The following DCLK1 variants were observed in gnomAD, a reference collection of about 807,000 sequenced individuals.
DCLK1 encodes the protein serine/threonine-protein kinase DCLK1.
Under a neutral mutation model 86.2 loss-of-function variants are expected in DCLK1, and 16 were observed. The observed-to-expected ratio is 0.19, with a 90% CI of 0.13 to 0.28. The LOEUF is 0.28. Among genes scored for constraint, DCLK1 ranks in the 10% least tolerant of loss-of-function variants. The pLI is 1.00. For synonymous variants in DCLK1, 369 were observed against 370.5 expected, an observed-to-expected ratio of 1.00 and a Z score of 0.05; for missense variants, 590 against 940.2, an observed-to-expected ratio of 0.63 and a Z score of 4.87.
intron 4 of DCLK1, among the ~76,000 whole-genome samples, chr13:35,912,870 C>T (rs545097734): frequency 2.0e-5 from 3 of 152,308 alleles, no homozygotes; most frequent in South Asian, 4.1e-4. Flanking sequence ...TTGTAACACA[C>T]CCTCTGGGGT....
At chr13:36,079,717 A>G (rs915785181) in intron 3 of DCLK1, among the ~76,000 whole-genome samples, 9 of 152,166 alleles carry the variant, frequency 5.9e-5, no homozygotes, top group African/African-American at 2.2e-4. Flanking sequence ...TTCTTAGAGC[A>G]AGGAAAACGA....
intron 3 of DCLK1, among the ~76,000 whole-genome samples, chr13:36,086,976 G>A (rs927945047): frequency 4.6e-5 from 7 of 152,144 alleles, no homozygotes; most frequent in Non-Finnish European, 7.3e-5. Context: ...AATCCTTTGG[G>A]TATACACCCA....
chr13:36,031,402 T>C (rs916695428), intron 3 of DCLK1, among the ~76,000 whole-genome samples: 1 of 151,634 alleles, frequency 6.6e-6, no homozygotes, highest in Admixed American at 6.6e-5. Flanking sequence ...AACTCTGCAG[T>C]GGTAATGGTG....
At chr13:36,044,022 C>A (rs1407097408) in intron 3 of DCLK1, among the ~76,000 whole-genome samples, 2 of 152,136 alleles carry the variant, frequency 1.3e-5, no homozygotes, top group East Asian at 1.9e-4. Context: ...GCCTAGTGGG[C>A]GGTGTTTGGG....
chr13:36,050,529 C>A lies in DCLK1; in HGVS notation c.723+61340G>T, dbSNP rs77982098. ...CACAAAATCCTAATTTGGTTTGCAA[C>A]CTTTAAGAATCCCAATGCCAATTCC... On this transcript the variant is annotated intron_variant, in intron 3 of 16. Transcript: ENST00000360631. Among the ~76,000 whole-genome samples, 69 of 152,222 alleles carry A rather than the reference C, an allele frequency of 4.5e-4. 1 individual carries two copies. The highest frequency in any genetic ancestry group is 6.8e-3 in the Middle Eastern group (2 of 294).
rs57002073 is a variant in DCLK1 at position 35,862,450 on chromosome 13, A to G, written c.941-7857T>C. On this transcript the variant is annotated intron_variant, in intron 5 of 16. Coordinates refer to ENST00000360631, the MANE Select transcript of DCLK1 (RefSeq NM_001330071.2). ...ACAATTTCATTCCAGGATGACTACA[A>G]TGGCCTCATAGAGCCTTCCTGGCCC... 1.4e-3 allele frequency among the ~76,000 whole-genome samples: 206 copies of G among 152,266 alleles called. 2 individuals are homozygous for G. Among genetic ancestry groups the G allele is most frequent in the African/African-American group, 4.8e-3 (199 of 41,546 alleles).
intron 5 of DCLK1, among the ~76,000 whole-genome samples, chr13:35,867,963 A>AAGAAAGAAAGAAGGAG (rs796441369): frequency 7.4e-6 from 1 of 135,156 alleles, no homozygotes; most frequent in African/African-American, 2.7e-5. Context: ...GAAAGAAAGA[A>AAGAAAGAAAGAAGGAG]AGAGAAAAAG....
intron 3 of DCLK1, among the ~76,000 whole-genome samples, chr13:35,985,264 C>G (rs1473456979): frequency 6.6e-6 from 1 of 152,148 alleles, no homozygotes; most frequent in Non-Finnish European, 1.5e-5. Flanking sequence ...GAAACAATGC[C>G]TCCTGTGAAG....
intron 6 of DCLK1, among the ~76,000 whole-genome samples, chr13:35,841,520 G>GA (rs201900666): frequency 0.016 from 2,258 of 141,938 alleles, 57 homozygotes; most frequent in East Asian, 0.12. Context: ...GGCTCTGGTG[G>GA]AAAAAAAAAA....
intron 8 of DCLK1, among the ~76,000 whole-genome samples, chr13:35,830,211 C>T (rs1868842954): frequency 6.6e-6 from 1 of 151,846 alleles, no homozygotes; most frequent in South Asian, 2.1e-4. Context: ...CATGGTGAAA[C>T]CCTGACTCTA....
At position 35,828,301 on chromosome 13, in the gene DCLK1, A is replaced by T. The variant is rs566479774; in HGVS notation, c.1236T>A (p.Thr412=). The change falls in exon 9 of 17, where the codon ACT becomes ACA. Residue 412 remains threonine (T), a synonymous_variant. Coordinates refer to ENST00000360631, the MANE Select transcript of DCLK1 (RefSeq NM_001330071.2). ...TAATTTTCAGAGCATACTCTCTAGC[A>T]GTCGATCTGCGAAGAGAAAGTTCAT... ...AVVKECVERS[T]AREYALKIIK... 2.9e-5 allele frequency: 47 copies of T among 1,606,948 alleles called. 1 individual carries two copies. The South Asian group carries it at 5.1e-4, about 17-fold the overall frequency.
intron 8 of DCLK1, among the ~76,000 whole-genome samples, chr13:35,831,205 C>T (rs1868933684): frequency 6.6e-6 from 1 of 152,146 alleles, no homozygotes; most frequent in Non-Finnish European, 1.5e-5. Context: ...ACAATGAGCT[C>T]CACAGAGGAC....
chr13:35,962,964 T>G (rs536614961), intron 3 of DCLK1, among the ~76,000 whole-genome samples: 3 of 152,108 alleles, frequency 2.0e-5, no homozygotes, highest in African/African-American at 7.2e-5. Flanking sequence ...TTCAGAAGAG[T>G]GAACTAAGAA....
At chr13:36,011,706 G>T (rs1363777295) in intron 3 of DCLK1, among the ~76,000 whole-genome samples, 2 of 152,008 alleles carry the variant, frequency 1.3e-5, no homozygotes, top group Non-Finnish European at 2.9e-5. Flanking sequence ...ATATTCTGTT[G>T]ATTTGGGGTG....
chr13:35,986,899 GA>G (rs1879944137), intron 3 of DCLK1, among the ~76,000 whole-genome samples: 2 of 152,314 alleles, frequency 1.3e-5, no homozygotes, highest in East Asian at 3.9e-4. Context: ...GCCCTAAAGA[GA>G]AAGGGGAAAG....
At chr13:35,785,565 A>C (rs2086605999) in intron 16 of DCLK1, among the ~76,000 whole-genome samples, 2 of 152,112 alleles carry the variant, frequency 1.3e-5, no homozygotes, top group South Asian at 4.2e-4. Flanking sequence ...GGGGAAAACA[A>C]ATCCCCACTA....
chr13:36,052,776 A>C (rs1237261835), intron 3 of DCLK1, among the ~76,000 whole-genome samples: 1 of 152,174 alleles, frequency 6.6e-6, no homozygotes, highest in Non-Finnish European at 1.5e-5. Flanking sequence ...TATGTGATGG[A>C]TGGGTAAATG....
chr13:35,777,730 C>T (rs1490613241), intron 16 of DCLK1, among the ~76,000 whole-genome samples: 1 of 152,172 alleles, frequency 6.6e-6, no homozygotes. Context: ...CCCTCAGGTC[C>T]TCATAATATT....
chr13:35,870,564 A>T (rs1872193351), intron 5 of DCLK1, among the ~76,000 whole-genome samples: 1 of 152,224 alleles, frequency 6.6e-6, no homozygotes, highest in African/African-American at 2.4e-5. Flanking sequence ...GTCATTTAAT[A>T]AATAATTCCC....
Sources: allele counts gnomAD v4.1 joint callset (sites outside exome capture counted in the v4.1 genomes callset), GRCh38; gene constraint gnomAD v4.1.1; transcripts MANE v1.5; gene names NCBI Gene and HGNC (gene_info 2026-07-23, HGNC 2026-07-21).